Variants in DOCK4 observed in about 807,000 individuals in gnomAD.
DOCK4 encodes dedicator of cytokinesis 4.
A neutral mutation model predicts 268.1 loss-of-function variants in DOCK4; 97 were observed. The ratio of observed to expected loss-of-function variants is 0.36; its 90% CI spans 0.31 to 0.43. The LOEUF (loss-of-function observed/expected upper bound fraction) is 0.43, where lower values mean the gene tolerates loss of function less well. DOCK4 is among the 20% of genes least tolerant of loss of function. The pLI is 1.00. For synonymous variants in DOCK4, 954 were observed against 887.2 expected (o/e 1.08, Z -1.34); for missense variants, 2,145 against 2,455.7 (o/e 0.87, Z 2.67).
At chr7:112,086,252 GA>G (rs1157612372) in intron 1 of DOCK4, among the ~76,000 whole-genome samples, 2 of 151,988 alleles carry the variant, frequency 1.3e-5, no homozygotes, top group African/African-American at 4.8e-5. Context: ...GGCAGAAAGG[GA>G]AATCCAGAAA....
At chr7:112,204,707 T>A (rs1821227186) in intron 1 of DOCK4, among the ~76,000 whole-genome samples, 2 of 151,746 alleles carry the variant, frequency 1.3e-5, no homozygotes, top group African/African-American at 4.9e-5. Flanking sequence ...GTCCTTTCAA[T>A]GGACCCCAAA....
chr7:111,804,952 A>G (rs1800566237), intron 30 of DOCK4, among the ~76,000 whole-genome samples: 3 of 152,210 alleles, frequency 2.0e-5, no homozygotes, highest in Admixed American at 2.0e-4. Context: ...TTTTAAAACT[A>G]AATTTTAATT....
At chr7:111,755,274 G>GTT (rs56296782) in intron 42 of DOCK4, among the ~76,000 whole-genome samples, 1 of 152,048 alleles carries the variant, frequency 6.6e-6, no homozygotes, top group Non-Finnish European at 1.5e-5. Flanking sequence ...GGCCTGAATA[G>GTT]TTTTTTTACA....
intron 6 of DOCK4, among the ~76,000 whole-genome samples, chr7:111,988,655 A>T (rs1169651492): frequency 6.6e-6 from 1 of 152,206 alleles, no homozygotes; most frequent in Non-Finnish European, 1.5e-5. Flanking sequence ...GACATGGAAA[A>T]GATATATTTT....
At chr7:112,193,640 C>T (rs1411471504) in intron 1 of DOCK4, among the ~76,000 whole-genome samples, 1 of 151,588 alleles carries the variant, frequency 6.6e-6, no homozygotes, top group Non-Finnish European at 1.5e-5. Flanking sequence ...AAGTCTGTGC[C>T]TCCAGAGGTG....
chr7:111,844,575 G>A (rs1039976117), intron 25 of DOCK4, among the ~76,000 whole-genome samples, 188 bp downstream of exon 25: 1 of 152,200 alleles, frequency 6.6e-6, no homozygotes, highest in African/African-American at 2.4e-5. Flanking sequence ...CTTATTCCAA[G>A]TTCCTTTAAC....
chr7:111,957,605 T>C (rs2134945255), intron 8 of DOCK4, among the ~76,000 whole-genome samples: 1 of 152,318 alleles, frequency 6.6e-6, no homozygotes, highest in East Asian at 1.9e-4. Flanking sequence ...GCATCAATGA[T>C]AATTGCTTTG....
chr7:112,069,874 G>T (rs1341225681), intron 1 of DOCK4, among the ~76,000 whole-genome samples: 1 of 152,202 alleles, frequency 6.6e-6, no homozygotes, highest in East Asian at 1.9e-4. Context: ...AGGCAAGGAA[G>T]AGGGAAGAGC....
chr7:111,911,667 T>A (rs1438135523), intron 13 of DOCK4, among the ~76,000 whole-genome samples: 1 of 152,208 alleles, frequency 6.6e-6, no homozygotes, highest in Non-Finnish European at 1.5e-5. Context: ...ACACAAAAGC[T>A]GCGTGAGCAC....
chr7:112,015,995 T>A (rs1282253120), intron 1 of DOCK4, among the ~76,000 whole-genome samples: 1 of 152,242 alleles, frequency 6.6e-6, no homozygotes, highest in Non-Finnish European at 1.5e-5. Flanking sequence ...CTCTTAATAC[T>A]GTCTTTTTGG....
At chr7:111,866,440 T>C (rs1325392202) in intron 22 of DOCK4, among the ~76,000 whole-genome samples, 4 of 152,238 alleles carry the variant, frequency 2.6e-5, no homozygotes, top group East Asian at 3.8e-4. Context: ...AGAAACCTTA[T>C]GGACACATTT....
chr7:112,132,777 T>G (rs558987523), intron 1 of DOCK4, among the ~76,000 whole-genome samples: 9 of 152,282 alleles, frequency 5.9e-5, no homozygotes, highest in African/African-American at 2.2e-4. Context: ...GGCAGAATAC[T>G]CTCTGGCCTT....
chr7:111,969,148 C>T (rs1385995371), intron 8 of DOCK4, among the ~76,000 whole-genome samples: 1 of 129,048 alleles, frequency 7.7e-6, no homozygotes, highest in Non-Finnish European at 1.6e-5. Context: ...CAGCATGGCA[C>T]ATGTATACAT....
intron 26 of DOCK4, among the ~76,000 whole-genome samples, chr7:111,830,613 C>T (rs972405730): frequency 1.3e-5 from 2 of 152,054 alleles, no homozygotes; most frequent in Non-Finnish European, 2.9e-5. Flanking sequence ...GAGACCTCAC[C>T]CTGGAAGTTA....
chr7:112,119,501 A>G (rs1812513454), intron 1 of DOCK4, among the ~76,000 whole-genome samples: 1 of 152,196 alleles, frequency 6.6e-6, no homozygotes, highest in South Asian at 2.1e-4. Flanking sequence ...ACACATTAAT[A>G]TTGGCCCAAA....
At chr7:111,814,649 C>T (rs934443991) in intron 27 of DOCK4, among the ~76,000 whole-genome samples, 1 of 152,172 alleles carries the variant, frequency 6.6e-6, no homozygotes, top group Non-Finnish European at 1.5e-5. Flanking sequence ...AGCAAGGCTC[C>T]GGAGTGGCCA....
intron 1 of DOCK4, among the ~76,000 whole-genome samples, chr7:112,170,185 G>T (rs1000975947): frequency 2.7e-4 from 41 of 152,114 alleles, no homozygotes; most frequent in African/African-American, 9.7e-4. Flanking sequence ...CGGGCACAGT[G>T]ACCACCGGTA....
intron 35 of DOCK4, among the ~76,000 whole-genome samples, chr7:111,779,180 T>C (rs1798643183): frequency 6.6e-6 from 1 of 152,142 alleles, no homozygotes; most frequent in South Asian, 2.1e-4. Flanking sequence ...GGCTCTTTAT[T>C]TTTAAGATGT....
At chr7:112,066,691 A>ATGTATGTATGTATGTG (rs1807053188) in intron 1 of DOCK4, among the ~76,000 whole-genome samples, 1 of 6,126 alleles carries the variant, frequency 1.6e-4, no homozygotes, top group African/African-American at 3.5e-4. Context: ...ATACATATAC[A>ATGTATGTATGTATGTG]TATATATATA....
Sources: gnomAD v4.1 joint callset for allele counts (sites outside exome capture counted in the v4.1 genomes callset) on GRCh38, gnomAD v4.1.1 for gene constraint, MANE v1.5 for transcripts, NCBI Gene and HGNC (gene_info 2026-07-23, HGNC 2026-07-21) for gene names.